Variants in FSTL4 observed in about 807,000 individuals in gnomAD.
FSTL4 encodes follistatin-related protein 4.
FSTL4 carries 28 observed loss-of-function variants against 78.2 expected under a neutral mutation model. The observed-to-expected ratio is 0.36, with a 90% CI of 0.27 to 0.49. The LOEUF (loss-of-function observed/expected upper bound fraction) is 0.49. FSTL4 is among the 20% of genes least tolerant of loss of function. The pLI is 0.98. For synonymous variants in FSTL4, 422 were observed against 440.5 expected (o/e 0.96, Z 0.53); for missense variants, 922 against 1,084.9 (o/e 0.85, Z 2.11).
At chr5:133,210,034 G>C (rs1291708746) in intron 14 of FSTL4, 157 bp downstream of exon 14, 1 of 546,750 alleles carries the variant, frequency 1.8e-6, no homozygotes, top group Non-Finnish European at 3.3e-6. Context: ...GAGGGGCATT[G>C]GCCTGAGGCT....
intron 2 of FSTL4, among the ~76,000 whole-genome samples, chr5:133,591,611 G>C (rs1033816013): frequency 2.0e-5 from 3 of 152,040 alleles, no homozygotes; most frequent in African/African-American, 4.8e-5. Flanking sequence ...AAATGGATCT[G>C]GGAAGATATT....
At chr5:133,722,016 A>T in the FSTL4 span, among the ~76,000 whole-genome samples, 1 of 151,896 alleles carries the variant, frequency 6.6e-6, no homozygotes, top group African/African-American at 2.4e-5. Context: ...ACCTATCTTC[A>T]GGTTCACAGA....
intron 7 of FSTL4, among the ~76,000 whole-genome samples, chr5:133,238,997 C>T (rs1006988074): frequency 5.9e-5 from 9 of 152,144 alleles, no homozygotes; most frequent in Non-Finnish European, 7.4e-5. Flanking sequence ...TGGAGAGGCG[C>T]GGGCGGGAAC....
chr5:133,559,181 GA>G (rs1759862146), intron 3 of FSTL4, among the ~76,000 whole-genome samples: 1 of 152,212 alleles, frequency 6.6e-6, no homozygotes, highest in Non-Finnish European at 1.5e-5. Flanking sequence ...AAAAGAGACA[GA>G]AACAAATGAT....
intron 4 of FSTL4, among the ~76,000 whole-genome samples, chr5:133,319,365 T>C (rs1753991304): frequency 6.6e-6 from 1 of 152,208 alleles, no homozygotes; most frequent in African/African-American, 2.4e-5. Flanking sequence ...TTTATTTACA[T>C]ACTGTGTGCC....
the FSTL4 span, among the ~76,000 whole-genome samples, chr5:133,737,695 C>T: frequency 6.7e-6 from 1 of 149,958 alleles, no homozygotes; most frequent in Admixed American, 6.7e-5. Flanking sequence ...ACCTCTACCT[C>T]CCAGGTTCAA....
chr5:133,596,264 G>T (rs1760735522), intron 2 of FSTL4, among the ~76,000 whole-genome samples: 1 of 152,196 alleles, frequency 6.6e-6, no homozygotes, highest in African/African-American at 2.4e-5. Flanking sequence ...AGGGGCCCAG[G>T]CCCCTGGCTG....
At chr5:133,620,478 A>G in the FSTL4 span, among the ~76,000 whole-genome samples, 1 of 152,224 alleles carries the variant, frequency 6.6e-6, no homozygotes, top group South Asian at 2.1e-4. Flanking sequence ...CAGATTGGTG[A>G]AGGTAATTTT....
At chr5:133,800,120 A>G in the FSTL4 span, among the ~76,000 whole-genome samples, 1 of 139,136 alleles carries the variant, frequency 7.2e-6, no homozygotes, top group East Asian at 2.0e-4. Flanking sequence ...TCAGGTAGCT[A>G]TCAGAGTCCA....
the FSTL4 span, chr5:133,720,614 A>C: frequency 6.5e-6 from 1 of 153,498 alleles, no homozygotes; most frequent in Non-Finnish European, 1.5e-5. Flanking sequence ...CTTGGGGAAA[A>C]AGAGTCATCA....
intron 6 of FSTL4, among the ~76,000 whole-genome samples, chr5:133,306,509 C>A (rs1753661401): frequency 6.6e-6 from 1 of 152,066 alleles, no homozygotes; most frequent in African/African-American, 2.4e-5. Context: ...TCCCTCACAC[C>A]CAGTTGCTCA....
chr5:133,553,653 G>A (rs966351132), intron 3 of FSTL4, among the ~76,000 whole-genome samples: 1 of 152,286 alleles, frequency 6.6e-6, no homozygotes, highest in East Asian at 1.9e-4. Flanking sequence ...ATAGCATATG[G>A]CATATGGTGG....
chr5:133,280,159 C>A (rs1462599409), intron 6 of FSTL4, among the ~76,000 whole-genome samples: 1 of 152,216 alleles, frequency 6.6e-6, no homozygotes, highest in Non-Finnish European at 1.5e-5. Context: ...ATGGAAGGTC[C>A]TTATTGCACT....
chr5:133,200,037 C>T (rs1365474946), intron 15 of FSTL4, among the ~76,000 whole-genome samples: 1 of 152,158 alleles, frequency 6.6e-6, no homozygotes, highest in Non-Finnish European at 1.5e-5. Flanking sequence ...AACATGCACT[C>T]ATCGTTGGAA....
chr5:133,690,607 A>G, the FSTL4 span, among the ~76,000 whole-genome samples: 1 of 152,214 alleles, frequency 6.6e-6, no homozygotes, highest in Non-Finnish European at 1.5e-5. Context: ...CATCTGGGTG[A>G]ATGATAAATT....
intron 1 of FSTL4, among the ~76,000 whole-genome samples, chr5:133,606,510 A>G (rs1253080981): frequency 1.3e-5 from 2 of 152,356 alleles, no homozygotes; most frequent in East Asian, 3.9e-4. Flanking sequence ...CTTTCCAGAG[A>G]CTGCAGAAAA....
the FSTL4 span, among the ~76,000 whole-genome samples, chr5:133,748,216 A>C: frequency 6.6e-6 from 1 of 151,356 alleles, no homozygotes; most frequent in Non-Finnish European, 1.5e-5. Flanking sequence ...GAAAAAAAAA[A>C]AGCCCAAACC....
At chr5:133,423,499 C>T (rs1293935920) in intron 3 of FSTL4, among the ~76,000 whole-genome samples, 1 of 152,176 alleles carries the variant, frequency 6.6e-6, no homozygotes, top group Non-Finnish European at 1.5e-5. Flanking sequence ...CCCAATTCTG[C>T]TGCTATGTGA....
chr5:133,771,175 C>G, the FSTL4 span, among the ~76,000 whole-genome samples: 3 of 151,832 alleles, frequency 2.0e-5, no homozygotes, highest in Non-Finnish European at 2.9e-5. Context: ...CAGCTTTGTT[C>G]TTTTTGGTGA....
Sources: allele counts gnomAD v4.1 joint callset (sites outside exome capture counted in the v4.1 genomes callset), GRCh38; gene constraint gnomAD v4.1.1; transcripts MANE v1.5; gene names NCBI Gene and HGNC (gene_info 2026-07-23, HGNC 2026-07-21).